Variants in SIPA1L1 observed in about 807,000 individuals in gnomAD.
The protein encoded by SIPA1L1 is signal induced proliferation associated 1 like 1.
Under a neutral mutation model 162.7 loss-of-function variants are expected in SIPA1L1, and 26 were observed. The observed-to-expected ratio is 0.16, with a 90% CI of 0.12 to 0.22. SIPA1L1 has a LOEUF of 0.22. SIPA1L1 is among the 10% of genes least tolerant of loss of function. The pLI, the probability that SIPA1L1 is intolerant of heterozygous loss-of-function variation, is 1.00. For missense variants in SIPA1L1, 1,874 were observed against 2,241.0 expected (o/e 0.84, Z 3.31); for synonymous variants, 829 against 837.4 (o/e 0.99, Z 0.17).
intron 2 of SIPA1L1, among the ~76,000 whole-genome samples, chr14:71,366,891 T>C (rs2038351430): frequency 6.6e-6 from 1 of 152,216 alleles, no homozygotes; most frequent in Non-Finnish European, 1.5e-5. Context: ...TACTCAGTTT[T>C]AACCTAGTGC....
intron 2 of SIPA1L1, among the ~76,000 whole-genome samples, chr14:71,428,071 C>T (rs1370666100): frequency 1.3e-5 from 2 of 151,882 alleles, no homozygotes; most frequent in Non-Finnish European, 1.5e-5. Flanking sequence ...TGACTCACTG[C>T]AGCCTCCACC....
At chr14:71,635,908 T>C (rs1026001699) in intron 7 of SIPA1L1, among the ~76,000 whole-genome samples, 2 of 151,914 alleles carry the variant, frequency 1.3e-5, no homozygotes, top group Non-Finnish European at 2.9e-5. Context: ...AGGAAAGCTA[T>C]AGGGCTTAGT....
Position 71,587,769 on chromosome 14 carries a change from C to G in SIPA1L1, c.-104C>G, listed in dbSNP as rs2034792855. ...TGAAAAAGATTAAGATCTCATGCAACTGTTGTATTTTCTGGAAGCCATTCT... is the reference window on the plus strand; with the variant it reads ...TGAAAAAGATTAAGATCTCATGCAAGTGTTGTATTTTCTGGAAGCCATTCT... On this transcript the variant is annotated 5_prime_UTR_variant, in exon 5 of 24. Transcript: ENST00000381232. The G allele has an allele frequency of 9.9e-7, 1 of 1,012,120 alleles. No individual in the cohort carries two copies. The highest frequency in any genetic ancestry group is 2.4e-5 in the East Asian group (1 of 41,534). The allele number at this position is 1,012,120 out of a possible 1,614,324, so 62.7% of individuals were successfully genotyped here.
intron 4 of SIPA1L1, among the ~76,000 whole-genome samples, chr14:71,570,630 G>A (rs1202421555): frequency 6.6e-6 from 1 of 151,970 alleles, no homozygotes; most frequent in African/African-American, 2.4e-5. Context: ...AGACATATTA[G>A]CAAAACTTAG....
chr14:71,414,295 C>G (rs141640497), intron 2 of SIPA1L1, among the ~76,000 whole-genome samples: 5,081 of 152,222 alleles, frequency 0.033, 135 homozygotes, highest in Non-Finnish European at 0.052. Context: ...AGGAGAATTG[C>G]TAGAACCCAG....
At chr14:71,370,028 G>A (rs2038729877) in intron 2 of SIPA1L1, among the ~76,000 whole-genome samples, 2 of 133,124 alleles carry the variant, frequency 1.5e-5, no homozygotes, top group Admixed American at 1.6e-4. Flanking sequence ...CTGAGACTTT[G>A]CTGAAGTTGC....
At chr14:71,489,140 G>GATTTAGAT (rs1403077329) in intron 2 of SIPA1L1, among the ~76,000 whole-genome samples, 1 of 152,192 alleles carries the variant, frequency 6.6e-6, no homozygotes, top group African/African-American at 2.4e-5. Context: ...TTAAATGGAG[G>GATTTAGAT]TCAGATTTAG....
intron 14 of SIPA1L1, among the ~76,000 whole-genome samples, chr14:71,699,475 A>G (rs895084261): frequency 1.3e-5 from 2 of 152,230 alleles, no homozygotes; most frequent in African/African-American, 4.8e-5. Context: ...TAGGATGGGA[A>G]TGAGAGGCAG....
At chr14:71,699,538 G>T (rs1040877158) in intron 14 of SIPA1L1, among the ~76,000 whole-genome samples, 1 of 152,182 alleles carries the variant, frequency 6.6e-6, no homozygotes, top group African/African-American at 2.4e-5. Flanking sequence ...CCTCCTTGGA[G>T]ATTTATTTTT....
intron 2 of SIPA1L1, among the ~76,000 whole-genome samples, chr14:71,331,427 GA>G (rs1310001926): frequency 6.6e-6 from 1 of 152,240 alleles, no homozygotes; most frequent in Non-Finnish European, 1.5e-5. Flanking sequence ...GACACACTTA[GA>G]GAATGAGGTA....
At chr14:71,392,426 C>G (rs903136993) in intron 2 of SIPA1L1, among the ~76,000 whole-genome samples, 2 of 152,188 alleles carry the variant, frequency 1.3e-5, no homozygotes, top group African/African-American at 4.8e-5. Context: ...TTGCTGAATA[C>G]ATTCTTATTT....
At chr14:71,717,033 G>A (rs1427891454) in intron 17 of SIPA1L1, among the ~76,000 whole-genome samples, 1 of 152,178 alleles carries the variant, frequency 6.6e-6, no homozygotes, top group African/African-American at 2.4e-5. Flanking sequence ...CCGAGTAGCT[G>A]GGACTACAGG....
At position 71,658,416 on chromosome 14, in the gene SIPA1L1, A is replaced by G; in HGVS notation, c.2077A>G (p.Thr693Ala). 1 of 1,595,654 alleles carries G rather than the reference A, an allele frequency of 6.3e-7. No individual in the cohort carries two copies. Among genetic ancestry groups the G allele is most frequent in the Non-Finnish European group, 8.6e-7 (1 of 1,163,196 alleles). ...CCATGTTTCTACCATGCTGCCATACACACCCAACAACAAACAACAGGTAAG... is the reference window on the plus strand; with the variant it reads ...CCATGTTTCTACCATGCTGCCATACGCACCCAACAACAAACAACAGGTAAG... ...MFHVSTMLPY[T>A]PNNKQQLLRK... The change falls in exon 9 of 24, where the codon ACA becomes GCA. Residue 693 changes from threonine (T) to alanine (A), a missense_variant. Around this residue, in one of 5 missense-constraint regions of SIPA1L1, gnomAD observed 243 missense variants for 315.0 expected, o/e 0.77. Transcript: ENST00000381232.
At chr14:71,565,894 A>G (rs932484827) in intron 4 of SIPA1L1, among the ~76,000 whole-genome samples, 27 of 152,106 alleles carry the variant, frequency 1.8e-4, no homozygotes, top group African/African-American at 6.3e-4. Flanking sequence ...GTGCTTTTGC[A>G]TATATAAATA....
chr14:71,525,890 C>T (rs2052818686), intron 3 of SIPA1L1, among the ~76,000 whole-genome samples: 1 of 152,210 alleles, frequency 6.6e-6, no homozygotes, highest in African/African-American at 2.4e-5. Context: ...CTTATTTCTA[C>T]CAGTCTCTTC....
chr14:71,517,937 C>A (rs970192087), intron 3 of SIPA1L1, among the ~76,000 whole-genome samples: 2 of 151,884 alleles, frequency 1.3e-5, no homozygotes, highest in South Asian at 4.2e-4. Context: ...TTATTTTCTT[C>A]ATGGTATCCT....
intron 7 of SIPA1L1, among the ~76,000 whole-genome samples, chr14:71,629,488 T>C (rs1417401358): frequency 6.6e-6 from 1 of 152,150 alleles, no homozygotes; most frequent in Non-Finnish European, 1.5e-5. Flanking sequence ...TCCCTCCCCA[T>C]GAATGGAAGA....
chr14:71,509,274 G>T (rs1391410884), intron 2 of SIPA1L1, among the ~76,000 whole-genome samples: 1 of 151,962 alleles, frequency 6.6e-6, no homozygotes, highest in African/African-American at 2.4e-5. Context: ...AGTTGAGATA[G>T]GATGGAAAAA....
chr14:71,735,488 T>C (rs919426778), intron 22 of SIPA1L1, 97 bp downstream of exon 22: 2 of 799,104 alleles, frequency 2.5e-6, no homozygotes, highest in African/African-American at 1.7e-5. Context: ...ACGGAGTAGC[T>C]GAGTGAAGCT....
Sources: gnomAD v4.1 joint callset for allele counts (sites outside exome capture counted in the v4.1 genomes callset) on GRCh38, gnomAD v4.1.1 for gene constraint, gnomAD v4.1.1 regional missense constraint, MANE v1.5 for transcripts, NCBI Gene and HGNC (gene_info 2026-07-23, HGNC 2026-07-21) for gene names.